The following NRXN3 variants were observed in gnomAD, a reference collection of about 807,000 sequenced individuals.
NRXN3 encodes neurexin 3, also known as neurexin III.
NRXN3 carries 32 observed loss-of-function variants against 137.6 expected under a neutral mutation model. That is an observed-to-expected ratio of 0.23 (90% CI 0.18 to 0.31). NRXN3 has a LOEUF of 0.31. Ranked by LOEUF, NRXN3 falls within the 10% of genes least tolerant of loss-of-function variation. The probability of loss-of-function intolerance (pLI) is 1.00; values close to 1 mark genes in which losing one functional copy is unlikely to be tolerated. For synonymous variants in NRXN3, 798 were observed against 784.5 expected (o/e 1.02, Z -0.29); for missense variants, 1,574 against 2,062.5 (o/e 0.76, Z 4.59).
intron 15 of NRXN3, among the ~76,000 whole-genome samples, chr14:79,340,136 C>A (rs1000470046): frequency 6.6e-6 from 1 of 150,966 alleles, no homozygotes; most frequent in African/African-American, 2.4e-5. Context: ...GTCACAGCCC[C>A]CTCGTTTGAC....
At chr14:78,173,629 C>T (rs148124376) in intron 1 of NRXN3, among the ~76,000 whole-genome samples, 2 of 146,830 alleles carry the variant, frequency 1.4e-5, no homozygotes, top group South Asian at 2.3e-4. Flanking sequence ...GCGCACCCCC[C>T]CTTCCTCCAG....
At chr14:78,339,545 A>C (rs147715278) in intron 4 of NRXN3, among the ~76,000 whole-genome samples, 5 of 152,122 alleles carry the variant, frequency 3.3e-5, no homozygotes, top group Non-Finnish European at 7.4e-5. Flanking sequence ...GTGAGGAGAA[A>C]AAATAGCTTT....
At chr14:78,376,875 G>A (rs758247479) in intron 4 of NRXN3, among the ~76,000 whole-genome samples, 4 of 152,136 alleles carry the variant, frequency 2.6e-5, no homozygotes, top group African/African-American at 9.7e-5. Context: ...GATAAGTTAT[G>A]TATATATAAG....
intron 4 of NRXN3, among the ~76,000 whole-genome samples, chr14:78,630,860 C>T (rs1031943859): frequency 3.3e-5 from 5 of 152,170 alleles, no homozygotes; most frequent in Admixed American, 2.0e-4. Context: ...CCACCTCGGC[C>T]TCCCAAAGTG....
chr14:78,760,034 C>CTTTTT (rs61320632), intron 8 of NRXN3, among the ~76,000 whole-genome samples: 39 of 86,724 alleles, frequency 4.5e-4, no homozygotes, highest in African/African-American at 1.1e-3. Flanking sequence ...AGCCTGCAGT[C>CTTTTT]TTTTTTTTTT....
At chr14:79,210,751 C>T (rs1350936749) in intron 15 of NRXN3, among the ~76,000 whole-genome samples, 1 of 152,140 alleles carries the variant, frequency 6.6e-6, no homozygotes, top group East Asian at 1.9e-4. Flanking sequence ...GTTACTTTGT[C>T]ACTTTCTAAT....
chr14:79,157,132 G>A (rs1037596249), intron 15 of NRXN3, among the ~76,000 whole-genome samples: 3 of 151,748 alleles, frequency 2.0e-5, no homozygotes, highest in African/African-American at 7.3e-5. Flanking sequence ...CTTTAGTAAA[G>A]GTTCCTTCTC....
chr14:78,663,457 G>A (rs1241398712), intron 6 of NRXN3, among the ~76,000 whole-genome samples: 4 of 152,134 alleles, frequency 2.6e-5, no homozygotes, highest in African/African-American at 9.7e-5. Context: ...ACCTGCTAAC[G>A]GAGGAATGAT....
At chr14:79,811,516 A>G (rs1189318606) in intron 20 of NRXN3, among the ~76,000 whole-genome samples, 2 of 151,766 alleles carry the variant, frequency 1.3e-5, no homozygotes, top group Non-Finnish European at 2.9e-5. Context: ...TTCCAGATTA[A>G]TGATACAGTT....
At chr14:79,124,075 T>C (rs912040580) in intron 15 of NRXN3, among the ~76,000 whole-genome samples, 18 of 152,294 alleles carry the variant, frequency 1.2e-4, no homozygotes, top group Admixed American at 2.6e-4. Context: ...TCAAAACTTC[T>C]GCTCACAGCT....
rs60009832 is a variant in NRXN3 at position 79,504,639 on chromosome 14, T to TATATATATATATATATATA, written c.3444+37237_3444+37238insATATATATATATATATATA. Among the ~76,000 whole-genome samples, 907 of 93,068 alleles carry TATATATATATATATATATA rather than the reference T, an allele frequency of 9.7e-3. 73 individuals are homozygous for TATATATATATATATATATA. The highest frequency in any genetic ancestry group is 0.012 in the Non-Finnish European group (540 of 44,792). 61.1% of individuals were successfully genotyped at this position (93,068 alleles called of 152,430 possible). ...TAAACTTCCATTATAAAATGAAGTT[T>TATATATATATATATATATA]TTTATATATATATATGTATATATAT... On this transcript the variant is annotated intron_variant, in intron 16 of 20. Coordinates refer to ENST00000335750, the MANE Select transcript of NRXN3 (RefSeq NM_001330195.2).
intron 8 of NRXN3, among the ~76,000 whole-genome samples, chr14:78,791,918 C>T (rs1452192063): frequency 6.6e-6 from 1 of 151,960 alleles, no homozygotes; most frequent in Admixed American, 6.6e-5. Flanking sequence ...TAAACCGTAG[C>T]TAATTCTAGG....
At chr14:79,069,200 C>T (rs4903823) in intron 15 of NRXN3, among the ~76,000 whole-genome samples, 75,410 of 151,818 alleles carry the variant, frequency 0.5, 21,915 homozygotes, top group East Asian at 0.77. Context: ...GGATGGGAAA[C>T]ACATGAGAAG....
chr14:79,180,313 T>C (rs2062789300), intron 15 of NRXN3, among the ~76,000 whole-genome samples: 1 of 152,238 alleles, frequency 6.6e-6, no homozygotes, highest in South Asian at 2.1e-4. Flanking sequence ...TGCTGCTTAT[T>C]TCATTTTAAT....
At chr14:78,700,782 T>C (rs935260023) in intron 6 of NRXN3, among the ~76,000 whole-genome samples, 4 of 149,238 alleles carry the variant, frequency 2.7e-5, no homozygotes, top group Admixed American at 6.6e-5. Flanking sequence ...CTTTTTCTTT[T>C]TCTTTCTTTC....
intron 4 of NRXN3, among the ~76,000 whole-genome samples, chr14:78,371,841 A>G (rs972130242): frequency 6.6e-6 from 1 of 152,258 alleles, no homozygotes; most frequent in African/African-American, 2.4e-5. Flanking sequence ...ATAAGTATGC[A>G]GTAGGTATTG....
intron 16 of NRXN3, among the ~76,000 whole-genome samples, chr14:79,514,695 A>G (rs376847705): frequency 2.0e-5 from 3 of 152,152 alleles, no homozygotes; most frequent in East Asian, 1.9e-4. Flanking sequence ...TAATTTTATC[A>G]TGGGTGCTAA....
intron 20 of NRXN3, among the ~76,000 whole-genome samples, chr14:79,859,959 C>T (rs1471211567): frequency 6.6e-6 from 1 of 152,120 alleles, no homozygotes; most frequent in Non-Finnish European, 1.5e-5. Context: ...TGGAAAACAA[C>T]ATTATAAAGA....
chr14:78,607,298 C>A (rs895655781), intron 4 of NRXN3, among the ~76,000 whole-genome samples: 8 of 152,192 alleles, frequency 5.3e-5, no homozygotes, highest in African/African-American at 1.9e-4. Context: ...TCCTTTCCCG[C>A]TGAGCTTCCA....
Sources: allele counts gnomAD v4.1 joint callset (sites outside exome capture counted in the v4.1 genomes callset), GRCh38; gene constraint gnomAD v4.1.1; transcripts MANE v1.5; gene names NCBI Gene and HGNC (gene_info 2026-07-23, HGNC 2026-07-21).